PDE6A: variants seen among roughly 807,000 people sequenced by gnomAD.
The protein encoded by PDE6A is phosphodiesterase 6A, also known as rod cGMP-specific 3',5'-cyclic phosphodiesterase subunit alpha.
PDE6A carries 84 observed loss-of-function variants against 106.3 expected under a neutral mutation model. The ratio of observed to expected loss-of-function variants is 0.79; its 90% CI spans 0.66 to 0.95. PDE6A has a LOEUF of 0.95. Ranked by LOEUF, PDE6A falls within the 40% of genes least tolerant of loss-of-function variation. PDE6A has a pLI of 0.00. For synonymous variants in PDE6A, 394 were observed against 386.6 expected, an observed-to-expected ratio of 1.02 and a Z score of -0.23; for missense variants, 1,052 against 1,084.9, an observed-to-expected ratio of 0.97 and a Z score of 0.43.
intron 13 of PDE6A, among the ~76,000 whole-genome samples, chr5:149,893,321 T>C (rs1752614026): frequency 6.6e-6 from 1 of 151,742 alleles, no homozygotes; most frequent in African/African-American, 2.4e-5. Flanking sequence ...CCTGGAAGTA[T>C]ACACCTGTTG....
At chr5:149,935,892 C>T (rs1016894181) in intron 1 of PDE6A, among the ~76,000 whole-genome samples, 1 of 152,188 alleles carries the variant, frequency 6.6e-6, no homozygotes, top group Admixed American at 6.5e-5. Context: ...TGGTTTACGT[C>T]TATAATCCCA....
chr5:149,925,816 GA>G (rs1468671918), intron 4 of PDE6A, among the ~76,000 whole-genome samples: 6 of 151,452 alleles, frequency 4.0e-5, no homozygotes, highest in African/African-American at 7.3e-5. Context: ...AAGTATAAGA[GA>G]CACAAACCAT....
chr5:149,918,910 A>G (rs572309761), intron 5 of PDE6A, among the ~76,000 whole-genome samples: 1 of 152,278 alleles, frequency 6.6e-6, no homozygotes, highest in South Asian at 2.1e-4. Context: ...GGCATGAACC[A>G]CTGCACCTGG....
intron 4 of PDE6A, among the ~76,000 whole-genome samples, chr5:149,926,697 G>C (rs545670573): frequency 1.3e-5 from 2 of 152,050 alleles, no homozygotes; most frequent in African/African-American, 2.4e-5. Flanking sequence ...ATGAAAGCAT[G>C]GGCCAGGTGC....
chr5:149,912,749 T>A (rs560482715), intron 6 of PDE6A, among the ~76,000 whole-genome samples: 1 of 152,300 alleles, frequency 6.6e-6, no homozygotes, highest in Non-Finnish European at 1.5e-5. Flanking sequence ...CACTCAGGTC[T>A]CCAGGTCTTG....
chr5:149,923,543 CATAACATAACATAACATAACATAACAT>C (rs1753788134), intron 4 of PDE6A, among the ~76,000 whole-genome samples: 1 of 133,768 alleles, frequency 7.5e-6, no homozygotes, highest in African/African-American at 3.3e-5. Flanking sequence ...CATAACATAA[CATAACATAACATAACATAACATAACAT>C]AACATAACAA....
At chr5:149,895,751 G>GT (rs1444617348) in intron 12 of PDE6A, among the ~76,000 whole-genome samples, 1 of 151,498 alleles carries the variant, frequency 6.6e-6, no homozygotes, top group Non-Finnish European at 1.5e-5. Flanking sequence ...AGCTGGGAGT[G>GT]TGTGTGTGTG....
At chr5:149,874,640 C>T (rs1760674476) in intron 17 of PDE6A, among the ~76,000 whole-genome samples, 2 of 152,100 alleles carry the variant, frequency 1.3e-5, no homozygotes, top group Non-Finnish European at 2.9e-5. Flanking sequence ...CTTCCCTCCC[C>T]GGAGGCTGGG....
chr5:149,904,866 TC>T (rs1406132920), intron 7 of PDE6A, among the ~76,000 whole-genome samples: 1 of 152,098 alleles, frequency 6.6e-6, no homozygotes, highest in East Asian at 1.9e-4. Flanking sequence ...ATGAAATCCT[TC>T]CTGCATCCAT....
intron 7 of PDE6A, among the ~76,000 whole-genome samples, chr5:149,906,538 A>AAAAAAAAAAAAAAAAAAAAAAAC (rs1211394804): frequency 2.7e-5 from 4 of 147,100 alleles, no homozygotes; most frequent in Non-Finnish European, 6.0e-5. Flanking sequence ...AAAAAAAAAA[A>AAAAAAAAAAAAAAAAAAAAAAAC]TCCCACCTTT....
At chr5:149,892,857 T>G (rs1752594509) in intron 13 of PDE6A, among the ~76,000 whole-genome samples, 1 of 152,240 alleles carries the variant, frequency 6.6e-6, no homozygotes, top group South Asian at 2.1e-4. Flanking sequence ...CAAAGATATT[T>G]TAAACACAAT....
At chr5:149,903,520 T>A in intron 8 of PDE6A, 128 bp downstream of exon 8, 1 of 763,792 alleles carries the variant, frequency 1.3e-6, no homozygotes, top group South Asian at 1.4e-5. Context: ...ACAGGAATTT[T>A]ATCCTGTCAT....
intron 5 of PDE6A, among the ~76,000 whole-genome samples, chr5:149,920,987 A>AAAGAAAG (rs1491211012): frequency 7.8e-6 from 1 of 128,264 alleles, no homozygotes; most frequent in Non-Finnish European, 1.5e-5. Context: ...AGAAAGAAAG[A>AAAGAAAG]AAGAAAGAAA....
chr5:149,891,679 T>C (rs1439618531), intron 13 of PDE6A, among the ~76,000 whole-genome samples: 3 of 152,088 alleles, frequency 2.0e-5, no homozygotes, highest in Non-Finnish European at 4.4e-5. Flanking sequence ...AGTGAGTGTC[T>C]GTTGACCCAG....
At position 149,860,696 on chromosome 5, in the gene PDE6A, T is replaced by A. The variant is rs1416583486; in HGVS notation, c.*199A>T. ...AACAGCTATCATTAGTGTTACTGTA[T>A]TTTATGTGTGACCCAAGACAATTCT... On this transcript the variant is annotated 3_prime_UTR_variant, in exon 22 of 22. Coordinates refer to ENST00000255266, the MANE Select transcript of PDE6A (RefSeq NM_000440.3). The A allele has an allele frequency of 2.1e-5, 11 of 518,348 alleles. No individual in the cohort carries two copies. In the East Asian group the frequency reaches 2.9e-4, roughly 14 times the overall value. The allele number at this position is 518,348 out of a possible 1,614,324, so 32.1% of individuals were successfully genotyped here. A position where few individuals can be genotyped will look rare whatever the true frequency, so the allele number is the denominator to read the frequency against.
intron 5 of PDE6A, 85 bp downstream of exon 5, chr5:149,921,550 G>T: frequency 9.7e-7 from 1 of 1,034,054 alleles, no homozygotes; most frequent in South Asian, 1.3e-5. Flanking sequence ...ATACCTATAT[G>T]CTAATAAAAA....
intron 6 of PDE6A, among the ~76,000 whole-genome samples, chr5:149,912,458 A>G (rs2113624476): frequency 6.6e-6 from 1 of 152,290 alleles, no homozygotes; most frequent in Admixed American, 6.5e-5. Context: ...TTTCCTAACC[A>G]CTCAAGTAAT....
intron 3 of PDE6A, chr5:149,931,947 A>C (rs1754047084): frequency 9.3e-7 from 1 of 1,071,288 alleles, no homozygotes; most frequent in African/African-American, 1.6e-5. Flanking sequence ...GAAACAAAGA[A>C]GTTTGCAAAT....
chr5:149,876,679 G>A (rs1046260469), intron 17 of PDE6A, among the ~76,000 whole-genome samples: 11 of 151,962 alleles, frequency 7.2e-5, no homozygotes, highest in African/African-American at 2.7e-4. Context: ...ATTGTTTTTT[G>A]TATTTTAATA....
Sources: allele counts gnomAD v4.1 joint callset (sites outside exome capture counted in the v4.1 genomes callset), GRCh38; gene constraint gnomAD v4.1.1; transcripts MANE v1.5; gene names NCBI Gene and HGNC (gene_info 2026-07-23, HGNC 2026-07-21).